PNPT1: variants seen among roughly 807,000 people sequenced by gnomAD.
The protein encoded by PNPT1 is polyribonucleotide nucleotidyltransferase 1, mitochondrial.
In PNPT1, 53 loss-of-function variants were observed where a neutral mutation model predicts 119.5. The observed-to-expected ratio is 0.44, with a 90% CI of 0.36 to 0.56. The LOEUF is 0.56. PNPT1 is among the 20% of genes least tolerant of loss of function. PNPT1 has a pLI of 0.00. For missense variants in PNPT1, 948 were observed against 938.5 expected, an observed-to-expected ratio of 1.01 and a Z score of -0.13; for synonymous variants, 357 against 322.1, an observed-to-expected ratio of 1.11 and a Z score of -1.16.
intron 23 of PNPT1, among the ~76,000 whole-genome samples, chr2:55,644,187 C>T (rs994503452): frequency 6.6e-6 from 1 of 152,288 alleles, no homozygotes; most frequent in South Asian, 2.1e-4. Context: ...GCTTCTCACT[C>T]TCTTGCAGTA....
At position 55,644,671 on chromosome 2, in the gene PNPT1, A is replaced by G; in HGVS notation, c.1872T>C (p.Gly624=). The G allele has an allele frequency of 6.2e-7, 1 of 1,612,734 alleles. No individual in the cohort carries two copies. Among genetic ancestry groups the G allele is most frequent in the Non-Finnish European group, 8.5e-7 (1 of 1,179,000 alleles). ...CCTGAAGTTTTTTTAAGTTATAGCC[A>G]CCAGGTCCAACAAATTTTGCTCGTT... is the stretch of plus-strand genomic sequence containing the variant. ...LSKRAKFVGP[G]GYNLKKLQAE... is the part of the protein sequence containing the mutation. Residue 624 remains glycine, a synonymous_variant, in exon 23 of 28, where the codon GGT becomes GGC. Transcript: ENST00000447944.
Position 55,669,163 on chromosome 2 carries a change from T to C in PNPT1, c.977-1205A>G, listed in dbSNP as rs149595724. On this transcript the variant is annotated intron_variant, in intron 11 of 27. Coordinates refer to ENST00000447944, the MANE Select transcript of PNPT1 (RefSeq NM_033109.5). ...AAGGGGTGAAGTACTGTGTAAGAGATAACCACTGAGTTTAAAAAAAAACAT... is the reference window on the plus strand; with the variant it reads ...AAGGGGTGAAGTACTGTGTAAGAGACAACCACTGAGTTTAAAAAAAAACAT... Among the ~76,000 whole-genome samples the C allele has an allele frequency of 7.4e-3, 1,114 of 150,754 alleles. 12 individuals are homozygous for C. The highest frequency in any genetic ancestry group is 0.012 in the Non-Finnish European group (822 of 67,954).
intron 13 of PNPT1, among the ~76,000 whole-genome samples, chr2:55,664,462 T>A (rs566901813): frequency 6.6e-6 from 1 of 152,134 alleles, no homozygotes; most frequent in Non-Finnish European, 1.5e-5. Flanking sequence ...AATATATAAA[T>A]AAAAAGTTGT....
intron 8 of PNPT1, among the ~76,000 whole-genome samples, chr2:55,676,439 T>G (rs1016761276): frequency 1.1e-4 from 16 of 152,158 alleles, no homozygotes; most frequent in African/African-American, 3.6e-4. Context: ...ACAGAAATAT[T>G]AGTGATATTA....
At position 55,646,318 on chromosome 2, in the gene PNPT1, T is replaced by C; in HGVS notation, c.1679A>G (p.Asp560Gly). Residue 560 changes from aspartate (D) to glycine (G), a missense_variant, in exon 21 of 28, where the codon GAT (aspartate) becomes GGT (glycine). Transcript: ENST00000447944. ...TATTGGTATTCCAGGTAATTTAATA[T>C]CAGCCTAATATGGAAAAGTCAAACA... ...TNKGITALQA[D>G]IKLPGIPIKI... is the part of the protein sequence containing the mutation. 1 of 1,611,898 alleles carries C rather than the reference T, an allele frequency of 6.2e-7. No homozygotes were observed. Among genetic ancestry groups the C allele is most frequent in the Non-Finnish European group, 8.5e-7 (1 of 1,178,598 alleles).
At chr2:55,663,179 C>T (rs1461562384) in intron 13 of PNPT1, among the ~76,000 whole-genome samples, 7 of 151,992 alleles carry the variant, frequency 4.6e-5, no homozygotes, top group Admixed American at 6.6e-5. Flanking sequence ...CCACCACGCC[C>T]GGCGACAAAA....
rs1172178524 is a variant in PNPT1, at chr2:55,639,963, C to A, written c.2148+664G>T. Among the ~76,000 whole-genome samples the A allele has an allele frequency of 3.3e-5, 5 of 152,126 alleles. No homozygotes were observed. The South Asian group carries it at 1.0e-3, about 32-fold the overall frequency. ...AGTAGAGATCCTGTTTTAAGATAAC[C>A]AGCTGTACCAATATAATTTATTAAA... On this transcript the variant is annotated intron_variant, in intron 26 of 27. Coordinates refer to ENST00000447944, the MANE Select transcript of PNPT1 (RefSeq NM_033109.5).
At chr2:55,649,215 G>C (rs1450337077) in intron 18 of PNPT1, among the ~76,000 whole-genome samples, 1 of 152,124 alleles carries the variant, frequency 6.6e-6, no homozygotes, top group African/African-American at 2.4e-5. Flanking sequence ...AAGATGGGAG[G>C]ATCACTTGAA....
intron 7 of PNPT1, among the ~76,000 whole-genome samples, chr2:55,680,441 A>G (rs932179394): frequency 1.8e-4 from 27 of 151,862 alleles, no homozygotes; most frequent in Non-Finnish European, 4.4e-5. Flanking sequence ...AAAAAAAAAA[A>G]AAGAAGTCCT....
At chr2:55,691,878 A>ATTTTTT (rs1227966046) in intron 1 of PNPT1, among the ~76,000 whole-genome samples, 47 of 33,072 alleles carry the variant, frequency 1.4e-3, no homozygotes, top group East Asian at 0.011. Context: ...ATATATATAT[A>ATTTTTT]TTTTTTTTTT....
rs571777783 is a variant in PNPT1 at position 55,640,462 on chromosome 2, T to G, written c.2148+165A>C. ...CCACCCTGCCCAGCCAATTTTTCTT[T>G]ATGCTAAACAATGTAAAACTTTTTG... On this transcript the variant is annotated intron_variant, in intron 26 of 27. Transcript: ENST00000447944. 7.9e-5 allele frequency among the ~76,000 whole-genome samples: 12 copies of G among 152,328 alleles called. No homozygotes were observed. In the East Asian group the frequency reaches 2.3e-3, roughly 29 times the overall value.
At chr2:55,640,560 T>C (rs1350691771) in intron 26 of PNPT1, 67 bp downstream of exon 26, 1 of 1,298,888 alleles carries the variant, frequency 7.7e-7, no homozygotes, top group Non-Finnish European at 1.1e-6. Flanking sequence ...CTTACCAACC[T>C]AGGTAATTTC....
At chr2:55,642,677 CT>C (rs2104025192) in intron 25 of PNPT1, among the ~76,000 whole-genome samples, 1 of 147,412 alleles carries the variant, frequency 6.8e-6, no homozygotes, top group Non-Finnish European at 1.5e-5. Context: ...AGAACTGCTA[CT>C]TTAATTTTAT....
At chr2:55,645,612 G>C (rs1360563374) in intron 21 of PNPT1, among the ~76,000 whole-genome samples, 180 bp from the exon 22 acceptor site, 5 of 152,112 alleles carry the variant, frequency 3.3e-5, no homozygotes, top group Non-Finnish European at 5.9e-5. Context: ...ATCTTAAATA[G>C]AGTTGTTTAA....
intron 1 of PNPT1, among the ~76,000 whole-genome samples, chr2:55,687,917 T>C (rs891104236): frequency 6.6e-6 from 1 of 152,182 alleles, no homozygotes; most frequent in Admixed American, 6.5e-5. Context: ...AGGCACAGGA[T>C]TGATCTGAAC....
At chr2:55,687,762 C>A in intron 1 of PNPT1, 57 bp from the exon 2 acceptor site, 1 of 1,335,594 alleles carries the variant, frequency 7.5e-7, no homozygotes, top group Non-Finnish European at 1.0e-6. Context: ...ACAATTCCTG[C>A]TTAGTATAAA....
At position 55,643,232 on chromosome 2, in the gene PNPT1, C is replaced by T; in HGVS notation, c.2014-19G>A. The T allele has an allele frequency of 6.2e-7, 1 of 1,613,992 alleles. No homozygotes were observed. ...GCTCCTGCTGTAAGTGCAAAATAAG[C>T]CATAAGATTCATAAAGAAAACATCA... On this transcript the variant is annotated intron_variant, in intron 24 of 27. Coordinates refer to ENST00000447944, the MANE Select transcript of PNPT1 (RefSeq NM_033109.5).
intron 19 of PNPT1, 47 bp downstream of exon 19, chr2:55,647,300 A>C (rs910172120): frequency 5.1e-5 from 71 of 1,404,626 alleles, no homozygotes; most frequent in Non-Finnish European, 6.5e-5. Context: ...TTATTTATTT[A>C]TTTTTAGTCT....
At chr2:55,686,259 T>C in intron 3 of PNPT1, 111 bp downstream of exon 3, 1 of 932,824 alleles carries the variant, frequency 1.1e-6, no homozygotes, top group Non-Finnish European at 1.6e-6. Context: ...GGAAAAATTC[T>C]TTGTTGTGCA....
Sources: gnomAD v4.1 joint callset for allele counts (sites outside exome capture counted in the v4.1 genomes callset) on GRCh38, gnomAD v4.1.1 for gene constraint, MANE v1.5 for transcripts, NCBI Gene and HGNC (gene_info 2026-07-23, HGNC 2026-07-21) for gene names.